Variants in UNC13C observed in about 807,000 individuals in gnomAD.
UNC13C encodes the protein unc-13 homolog C.
In UNC13C, 174 loss-of-function variants were observed where a neutral mutation model predicts 245.4. The observed-to-expected ratio is 0.71, with a 90% CI of 0.63 to 0.80. The LOEUF (loss-of-function observed/expected upper bound fraction) is 0.80. Among genes scored for constraint, UNC13C ranks in the 30% least tolerant of loss-of-function variants. UNC13C has a pLI of 0.00. For missense variants in UNC13C, 2,829 were observed against 2,602.9 expected, an observed-to-expected ratio of 1.09 and a Z score of -1.89; for synonymous variants, 992 against 895.1, an observed-to-expected ratio of 1.11 and a Z score of -1.93.
the UNC13C span, among the ~76,000 whole-genome samples, chr15:53,861,933 T>C: frequency 2.6e-5 from 4 of 152,172 alleles, no homozygotes; most frequent in African/African-American, 7.2e-5. Context: ...ACTCAGTCCT[T>C]GCCTGGTATG....
In UNC13C at chr15:54,393,012, C is replaced by A. The variant is rs773548738; in HGVS notation, c.4714-36C>A. On this transcript the variant is annotated intron_variant, in intron 17 of 32. Transcript: ENST00000260323. ...ATCTAACTAAAGTCATCCCATTTAACCTTTTCTTTTGCATGTTGCGTGAAC... is the reference window on the plus strand; with the variant it reads ...ATCTAACTAAAGTCATCCCATTTAAACTTTTCTTTTGCATGTTGCGTGAAC... 17 of 1,528,126 alleles carry A rather than the reference C, an allele frequency of 1.1e-5. 1 individual carries two copies. Among genetic ancestry groups the A allele is most frequent in the Middle Eastern group, 3.5e-4 (2 of 5,690 alleles). The allele number at this position is 1,528,126 out of a possible 1,614,324, so 94.7% of individuals were successfully genotyped here.
chr15:53,882,633 T>C, the UNC13C span, among the ~76,000 whole-genome samples: 1 of 152,078 alleles, frequency 6.6e-6, no homozygotes, highest in Admixed American at 6.6e-5. Context: ...TTATTGAAAA[T>C]GCATTTGGTG....
At chr15:54,101,740 C>T (rs941240125) in intron 2 of UNC13C, among the ~76,000 whole-genome samples, 8 of 152,112 alleles carry the variant, frequency 5.3e-5, no homozygotes, top group East Asian at 1.9e-4. Context: ...CACGCACCAC[C>T]GCACCCAGCT....
At chr15:53,914,886 T>A in the UNC13C span, among the ~76,000 whole-genome samples, 2 of 152,248 alleles carry the variant, frequency 1.3e-5, no homozygotes, top group South Asian at 2.1e-4. Context: ...TAAATATGTG[T>A]GTGTATGTAT....
rs368789876 is a variant in UNC13C at position 54,424,324 on chromosome 15, G to A, written c.4933+9257G>A. 2.6e-5 allele frequency among the ~76,000 whole-genome samples: 4 copies of A among 151,998 alleles called. 1 individual carries two copies. The East Asian group carries it at 7.8e-4, about 30-fold the overall frequency. Reference sequence around the variant, plus strand: ...TTTGGCAACAAAAGAAACTTGGGAAGGAGGTAGCAGTTGGCATGAAATCAG... The same window carrying A: ...TTTGGCAACAAAAGAAACTTGGGAAAGAGGTAGCAGTTGGCATGAAATCAG... On this transcript the variant is annotated intron_variant, in intron 19 of 32. Transcript: ENST00000260323.
intron 2 of UNC13C, among the ~76,000 whole-genome samples, chr15:54,061,446 A>G (rs904776903): frequency 1.3e-4 from 20 of 152,092 alleles, no homozygotes; most frequent in Non-Finnish European, 2.5e-4. Context: ...TTTTCCCTGG[A>G]CCAGAGTTAT....
At chr15:54,050,474 T>G (rs1312196310) in intron 2 of UNC13C, 1 of 546,586 alleles carries the variant, frequency 1.8e-6, no homozygotes, top group Non-Finnish European at 3.7e-6. Flanking sequence ...AGCATCCAAG[T>G]CTTTGACCAA....
In UNC13C at chr15:54,414,996, T is replaced by C. The variant is rs2040490016; in HGVS notation, c.4862T>C (p.Leu1621Pro). The C allele has an allele frequency of 6.2e-7, 1 of 1,612,854 alleles. No individual in the cohort carries two copies. The highest frequency in any genetic ancestry group is 1.7e-5 in the Admixed American group (1 of 59,902). ...TTTGGTTTTAGGTTTCCTCAAGAGC[T>C]GAACATGGGAAAAATAAGTGCCGAA... ...TPVLNQFPQELNMGKISAEIM... is the reference protein window; with the variant it reads ...TPVLNQFPQEPNMGKISAEIM... Residue 1621 changes from leucine (L) to proline (P), a missense_variant, in exon 19 of 33, where the codon CTG becomes CCG. Leu to Pro is a moderately conservative substitution (Grantham distance 98, BLOSUM62 -3). Coordinates refer to ENST00000260323, the MANE Select transcript of UNC13C (RefSeq NM_001080534.3).
intron 24 of UNC13C, among the ~76,000 whole-genome samples, chr15:54,522,905 T>C (rs369248408): frequency 1.3e-5 from 2 of 152,170 alleles, no homozygotes; most frequent in East Asian, 3.8e-4. Context: ...GTTCTTTCCC[T>C]CTTAATTTTT....
chr15:54,174,919 T>G (rs2033553975), intron 4 of UNC13C, among the ~76,000 whole-genome samples: 1 of 152,166 alleles, frequency 6.6e-6, no homozygotes, highest in Admixed American at 6.5e-5. Flanking sequence ...TTAAACTCAA[T>G]CGGAAGGAAC....
At chr15:54,251,517 T>C (rs577571351) in intron 8 of UNC13C, among the ~76,000 whole-genome samples, 10 of 152,330 alleles carry the variant, frequency 6.6e-5, no homozygotes, top group African/African-American at 2.4e-4. Context: ...TTATGACAAG[T>C]TACCTTAAAT....
chr15:53,904,360 AG>A, the UNC13C span, among the ~76,000 whole-genome samples: 1 of 152,210 alleles, frequency 6.6e-6, no homozygotes, highest in Non-Finnish European at 1.5e-5. Context: ...TACATTATAA[AG>A]CATACTAATT....
At chr15:54,203,355 T>C (rs796176411) in intron 4 of UNC13C, among the ~76,000 whole-genome samples, 97 of 151,706 alleles carry the variant, frequency 6.4e-4, no homozygotes, top group African/African-American at 2.2e-3. Flanking sequence ...GAAGTCACTA[T>C]ACCAAAAAGA....
At chr15:54,585,583 G>T (rs1039096498) in intron 30 of UNC13C, among the ~76,000 whole-genome samples, 1 of 152,116 alleles carries the variant, frequency 6.6e-6, no homozygotes, top group African/African-American at 2.4e-5. Context: ...CTTATATATT[G>T]CCTGTATTCT....
intron 24 of UNC13C, among the ~76,000 whole-genome samples, chr15:54,523,306 T>C (rs1204390731): frequency 2.0e-5 from 3 of 152,230 alleles, no homozygotes; most frequent in Non-Finnish European, 4.4e-5. Flanking sequence ...CCATGTACAC[T>C]GGCCTCAGAA....
chr15:54,076,541 C>T (rs1321497685), intron 2 of UNC13C, among the ~76,000 whole-genome samples: 1 of 151,962 alleles, frequency 6.6e-6, no homozygotes, highest in Non-Finnish European at 1.5e-5. Context: ...GGGAAACATT[C>T]AGGTTAATTA....
At chr15:54,067,226 G>C (rs774861540) in intron 2 of UNC13C, among the ~76,000 whole-genome samples, 5 of 151,892 alleles carry the variant, frequency 3.3e-5, no homozygotes, top group African/African-American at 7.3e-5. Flanking sequence ...CTGTATTGTC[G>C]TCACATAAAC....
chr15:54,031,381 G>C (rs574925992), intron 2 of UNC13C, among the ~76,000 whole-genome samples: 2 of 152,238 alleles, frequency 1.3e-5, no homozygotes, highest in South Asian at 2.1e-4. Flanking sequence ...CCGCCACCGC[G>C]CCTGGCTAAT....
rs543778477 is a variant in UNC13C, at chr15:54,058,833, G to A, written c.2983+42947G>A. Among the ~76,000 whole-genome samples, 152 of 152,174 alleles carry A rather than the reference G, an allele frequency of 1.0e-3. 1 individual carries two copies. The highest frequency in any genetic ancestry group is 3.4e-3 in the African/African-American group (143 of 41,510). On this transcript the variant is annotated intron_variant, in intron 2 of 32. Coordinates refer to ENST00000260323, the MANE Select transcript of UNC13C (RefSeq NM_001080534.3). The stretch of plus-strand genomic sequence containing the variant: ...TATGCAAATCAATAAACGTAATCCA[G>A]CATATAAACAGAACCAAAGACAAAA...
Sources: gnomAD v4.1 joint callset for allele counts (sites outside exome capture counted in the v4.1 genomes callset) on GRCh38, gnomAD v4.1.1 for gene constraint, MANE v1.5 for transcripts, NCBI Gene and HGNC (gene_info 2026-07-23, HGNC 2026-07-21) for gene names.